The following CDK13 variants were observed in gnomAD, a reference collection of about 807,000 sequenced individuals.
CDK13 encodes the protein cyclin-dependent kinase 13.
A neutral mutation model predicts 137.6 loss-of-function variants in CDK13; 40 were observed. That is an observed-to-expected ratio of 0.29 (90% CI 0.23 to 0.38). The LOEUF is 0.38. Among genes scored for constraint, CDK13 ranks in the 10% least tolerant of loss-of-function variants. The pLI is 1.00. For synonymous variants in CDK13, 869 were observed against 760.1 expected (o/e 1.14, Z -2.36); for missense variants, 1,704 against 1,951.8 (o/e 0.87, Z 2.39).
chr7:40,051,263 C>CT lies in CDK13; in HGVS notation c.2600+3398dup, dbSNP rs11284687. On this transcript the variant is annotated intron_variant, in intron 7 of 13. Coordinates refer to ENST00000181839, the MANE Select transcript of CDK13 (RefSeq NM_003718.5). Reference sequence around the variant, plus strand: ...GTTTATATACTCCTTTAAAACTTCTCTTTTTTTTTTTTAAGAGAATAATTC... The same window carrying CT: ...GTTTATATACTCCTTTAAAACTTCTCTTTTTTTTTTTTTAAGAGAATAATTC... Among the ~76,000 whole-genome samples the CT allele has an allele frequency of 1.4e-3, 196 of 144,162 alleles. 2 individuals carry two copies. The highest frequency in any genetic ancestry group is 7.6e-3 in the East Asian group (38 of 4,990). The allele number at this position is 144,162 out of a possible 152,430, so 94.6% of individuals were successfully genotyped here.
chr7:39,982,004 T>A (rs950775416), intron 1 of CDK13, among the ~76,000 whole-genome samples: 4 of 151,406 alleles, frequency 2.6e-5, no homozygotes, highest in African/African-American at 9.7e-5. Context: ...TTTCTTCTTT[T>A]TTTCTTTTTT....
intron 13 of CDK13, among the ~76,000 whole-genome samples, chr7:40,093,693 C>T (rs1486513627): frequency 2.0e-5 from 3 of 151,968 alleles, no homozygotes; most frequent in Non-Finnish European, 4.4e-5. Context: ...TTGCCTGAAC[C>T]CAGGAATTCA....
chr7:39,976,316 C>CTCTCTCTCTCTCTCTG (rs1784106426), intron 1 of CDK13, among the ~76,000 whole-genome samples: 1 of 107,730 alleles, frequency 9.3e-6, no homozygotes, highest in South Asian at 4.2e-4. Context: ...CTCTCTCTCT[C>CTCTCTCTCTCTCTCTG]TCTCTCTCAC....
At chr7:40,032,534 TTTG>T (rs1785402753) in intron 5 of CDK13, among the ~76,000 whole-genome samples, 1 of 152,250 alleles carries the variant, frequency 6.6e-6, no homozygotes, top group Non-Finnish European at 1.5e-5. Flanking sequence ...CACTCAAGTC[TTTG>T]ATCCATTTTG....
At chr7:40,079,730 T>C (rs1786625430) in intron 11 of CDK13, among the ~76,000 whole-genome samples, 1 of 152,146 alleles carries the variant, frequency 6.6e-6, no homozygotes, top group Non-Finnish European at 1.5e-5. Flanking sequence ...CTTTATAGCA[T>C]AGTATACAAT....
chr7:39,992,155 CTAA>C (rs1784472345), intron 2 of CDK13, among the ~76,000 whole-genome samples: 1 of 119,240 alleles, frequency 8.4e-6, no homozygotes. Flanking sequence ...TTTAAGAGAA[CTAA>C]TGAGGGTGTG....
chr7:40,009,791 G>A (rs1462265252), intron 5 of CDK13, among the ~76,000 whole-genome samples: 1 of 152,168 alleles, frequency 6.6e-6, no homozygotes, highest in African/African-American at 2.4e-5. Context: ...ACCTGATAAA[G>A]GACATCTTAT....
intron 5 of CDK13, among the ~76,000 whole-genome samples, chr7:40,019,801 A>C (rs530778891): frequency 2.8e-4 from 42 of 152,278 alleles, no homozygotes; most frequent in African/African-American, 1.0e-3. Context: ...GGAATCTGTT[A>C]GCTTACATGA....
intron 2 of CDK13, among the ~76,000 whole-genome samples, chr7:39,992,089 ACACACACACACACACG>A (rs1234169533): frequency 2.2e-4 from 10 of 45,688 alleles, no homozygotes; most frequent in East Asian, 2.0e-3. Context: ...ACACACACAC[ACACACACACACACACG>A]CACACACACA....
intron 5 of CDK13, among the ~76,000 whole-genome samples, chr7:40,007,234 A>C (rs1225262174): frequency 6.6e-6 from 1 of 152,216 alleles, no homozygotes; most frequent in Non-Finnish European, 1.5e-5. Flanking sequence ...AATTTTCCTA[A>C]AAATCAAGAA....
rs1787115011 is a variant in CDK13 at position 39,950,533 on chromosome 7, G to T, written c.-109G>T. On this transcript the variant is annotated 5_prime_UTR_variant, in exon 1 of 14. Coordinates refer to ENST00000181839, the MANE Select transcript of CDK13 (RefSeq NM_003718.5). ...GTGGCGCTTTTCCCGGCCGGCTCTG[G>T]TGCTCGGTGTCCCTCCGCCGCCGCT... The T allele has an allele frequency of 7.9e-7, 1 of 1,269,522 alleles. No homozygotes were observed. The highest frequency in any genetic ancestry group is 4.2e-5 in the Admixed American group (1 of 23,782). 78.6% of individuals were successfully genotyped at this position (1,269,522 alleles called of 1,614,324 possible).
intron 11 of CDK13, 43 bp downstream of exon 11, chr7:40,078,894 T>G (rs1208838121): frequency 1.3e-5 from 10 of 743,928 alleles, no homozygotes; most frequent in Non-Finnish European, 1.8e-5. Flanking sequence ...ATTATTATTA[T>G]ATTTATTATA....
chr7:40,031,036 T>C (rs1202682891), intron 5 of CDK13, among the ~76,000 whole-genome samples: 1 of 152,238 alleles, frequency 6.6e-6, no homozygotes, highest in Admixed American at 6.5e-5. Flanking sequence ...GGATTATATA[T>C]GGTAAGAGAA....
In CDK13 at chr7:40,095,587, A is replaced by C. The variant is rs777635858; in HGVS notation, c.*607A>C. On this transcript the variant is annotated 3_prime_UTR_variant, in exon 14 of 14. Coordinates refer to ENST00000181839, the MANE Select transcript of CDK13 (RefSeq NM_003718.5). Reference sequence around the variant, plus strand: ...CAACGTTATTTTTGTTTTGTTTTGCAGATTATCAAAGCCTAGCAAAATGCA... The same window carrying C: ...CAACGTTATTTTTGTTTTGTTTTGCCGATTATCAAAGCCTAGCAAAATGCA... 1.3e-5 allele frequency: 2 copies of C among 150,874 alleles called. No individual in the cohort carries two copies. The highest frequency in any genetic ancestry group is 3.0e-5 in the Non-Finnish European group (2 of 67,568). 9.3% of individuals were successfully genotyped at this position (150,874 alleles called of 1,614,324 possible). A position where few individuals can be genotyped will look rare whatever the true frequency, so the allele number is the denominator to read the frequency against.
chr7:39,997,792 A>C (rs1342945559), intron 3 of CDK13, 128 bp downstream of exon 3: 1 of 685,324 alleles, frequency 1.5e-6, no homozygotes, highest in Non-Finnish European at 2.4e-6. Flanking sequence ...AAATATATGA[A>C]TTCTATTAGA....
intron 5 of CDK13, among the ~76,000 whole-genome samples, chr7:40,032,207 C>CCACT (rs1785395628): frequency 6.6e-6 from 1 of 152,114 alleles, no homozygotes; most frequent in Non-Finnish European, 1.5e-5. Flanking sequence ...AAGGCGCATG[C>CCACT]CACTGCACCT....
chr7:40,055,877 C>T (rs750511231), intron 7 of CDK13, among the ~76,000 whole-genome samples: 28 of 152,124 alleles, frequency 1.8e-4, no homozygotes, highest in Non-Finnish European at 3.1e-4. Context: ...CCACCACGCC[C>T]GGATGGATTT....
chr7:39,983,499 A>T (rs2116245730), intron 1 of CDK13, among the ~76,000 whole-genome samples: 1 of 152,372 alleles, frequency 6.6e-6, no homozygotes, highest in African/African-American at 2.4e-5. Context: ...AGAGATTAAT[A>T]GTTCAGAAGA....
At chr7:40,076,437 C>T (rs1233445548) in intron 9 of CDK13, among the ~76,000 whole-genome samples, 1 of 152,044 alleles carries the variant, frequency 6.6e-6, no homozygotes, top group Non-Finnish European at 1.5e-5. Context: ...TTAGCATAGA[C>T]ATGAAGGAGT....
Sources: gnomAD v4.1 joint callset for allele counts (sites outside exome capture counted in the v4.1 genomes callset) on GRCh38, gnomAD v4.1.1 for gene constraint, MANE v1.5 for transcripts, NCBI Gene and HGNC (gene_info 2026-07-23, HGNC 2026-07-21) for gene names.